WBP2NL: variants seen among roughly 807,000 people sequenced by gnomAD.
WBP2NL encodes the protein WBP2 N-terminal like, also known as postacrosomal sheath WW domain-binding protein.
Under a neutral mutation model 23.3 loss-of-function variants are expected in WBP2NL, and 27 were observed. That is an observed-to-expected ratio of 1.16 (90% CI 0.85 to 1.60). WBP2NL has a LOEUF of 1.60. Among genes scored for constraint, WBP2NL ranks in the 40% most tolerant of loss-of-function variants. The pLI is 0.00. For synonymous variants in WBP2NL, 151 were observed against 145.9 expected (o/e 1.03, Z -0.25); for missense variants, 370 against 389.5 (o/e 0.95, Z 0.42).
At chr22:42,039,379 A>G (rs374830692) in intron 8 of WBP2NL, among the ~76,000 whole-genome samples, 11 of 137,088 alleles carry the variant, frequency 8.0e-5, no homozygotes, top group African/African-American at 3.0e-4. Context: ...TTCCAGTATC[A>G]GTGAGGTCTT....
At chr22:42,026,226 C>T (rs893579472) in intron 5 of WBP2NL, among the ~76,000 whole-genome samples, 8 of 150,868 alleles carry the variant, frequency 5.3e-5, no homozygotes, top group Non-Finnish European at 7.4e-5. Context: ...GAGCCAAGAT[C>T]GCGCCACTGC....
In WBP2NL at chr22:42,028,067, T is replaced by C. The variant is rs1924667129; in HGVS notation, c.*886T>C. On this transcript the variant is annotated 3_prime_UTR_variant, in exon 6 of 6. Coordinates refer to ENST00000328823, the MANE Select transcript of WBP2NL (RefSeq NM_152613.3). ...AAATATGCCTGCGAGAAAACTTGCA[T>C]GTGTGCACAAAGATGCATGTGGGAA... The C allele has an allele frequency of 7.5e-6, 3 of 398,418 alleles. No homozygotes were observed. Among genetic ancestry groups the C allele is most frequent in the Non-Finnish European group, 1.3e-5 (3 of 226,022 alleles). 24.7% of individuals were successfully genotyped at this position (398,418 alleles called of 1,614,324 possible).
chr22:42,012,176 ATT>A (rs558966827), intron 1 of WBP2NL, among the ~76,000 whole-genome samples: 1 of 151,758 alleles, frequency 6.6e-6, no homozygotes, highest in African/African-American at 2.4e-5. Context: ...TTGAACTTAA[ATT>A]TTTTTTCTTA....
rs141338292 is a variant in WBP2NL, at chr22:42,056,577, T to C, written c.*274-1713T>C. Among the ~76,000 whole-genome samples, 6 of 152,356 alleles carry C rather than the reference T, an allele frequency of 3.9e-5. No homozygotes were observed. In the East Asian group the frequency reaches 1.2e-3, roughly 29 times the overall value. ...GGGCAGGGTGGCTAGAGATGAACTC[T>C]GTTTTTGTTTATCTGGGAATGTTTT... On this transcript the variant is annotated intron_variant and NMD_transcript_variant, in intron 8 of 8. Coordinates refer to the WBP2NL transcript ENST00000436265.
intron 8 of WBP2NL, among the ~76,000 whole-genome samples, chr22:42,052,219 C>T (rs1452497751): frequency 1.3e-5 from 2 of 152,120 alleles, no homozygotes; most frequent in Non-Finnish European, 1.5e-5. Context: ...TCTCCAGGGA[C>T]TGTCTTGAGG....
At chr22:42,032,670 T>G, downstream of WBP2NL, 1 of 446,430 alleles carries the variant, frequency 2.2e-6, no homozygotes, top group Admixed American at 2.9e-5. Context: ...CGTATGATAT[T>G]CTTCCTGGCC....
At chr22:42,010,629 C>T (rs542927848) in intron 1 of WBP2NL, among the ~76,000 whole-genome samples, 2 of 152,236 alleles carry the variant, frequency 1.3e-5, no homozygotes, top group Admixed American at 6.5e-5. Flanking sequence ...AGCTCTGCCT[C>T]CAAGGTTCAC....
At chr22:42,006,255 C>T (rs2146759057) in intron 1 of WBP2NL, among the ~76,000 whole-genome samples, 1 of 147,618 alleles carries the variant, frequency 6.8e-6, no homozygotes, top group South Asian at 2.1e-4. Context: ...GAGTCTCGCT[C>T]TGTCACCCAG....
In WBP2NL at chr22:42,001,460, A is replaced by G. The variant is rs944041616; in HGVS notation, c.62+2580A>G. ...GTTAAAGCCTTGGTACAGGCTCTTA[A>G]TCCCGTCAGATTTGTAGATCTTAAC... On this transcript the variant is annotated intron_variant, in intron 1 of 5. Transcript: ENST00000328823. 52 of 906,538 alleles carry G rather than the reference A, an allele frequency of 5.7e-5. No individual in the cohort carries two copies. In the African/African-American group the frequency reaches 7.9e-4, roughly 14 times the overall value. The allele number at this position is 906,538 out of a possible 1,614,324, so 56.2% of individuals were successfully genotyped here. A position where few individuals can be genotyped will look rare whatever the true frequency, so the allele number is the denominator to read the frequency against.
At chr22:42,056,645 A>C (rs980166901) in intron 8 of WBP2NL, among the ~76,000 whole-genome samples, 4 of 152,146 alleles carry the variant, frequency 2.6e-5, no homozygotes, top group Admixed American at 6.5e-5. Context: ...CCAAATAACA[A>C]ATTTTTTCAT....
chr22:42,037,961 C>T (rs141273413), intron 8 of WBP2NL, among the ~76,000 whole-genome samples: 24 of 151,770 alleles, frequency 1.6e-4, no homozygotes, highest in Non-Finnish European at 2.7e-4. Flanking sequence ...GACTTGGAAG[C>T]CTCTGTTTTT....
In WBP2NL at chr22:42,026,818, C is replaced by T. The variant is rs200571363; in HGVS notation, c.567C>T (p.Tyr189=). The change falls in exon 6 of 6, where the codon TAC becomes TAT. Residue 189 remains tyrosine (Y), a synonymous_variant. Transcript: ENST00000328823. ...GATATGGAGCCCCACCTCCCGGATA[C>T]GGAGCCCCACCTGCAGGATATGGAG... ...PAGYGAPPPG[Y]GAPPAGYGAQ... 5.4e-4 allele frequency: 859 copies of T among 1,603,734 alleles called. 2 individuals carry two copies. The highest frequency in any genetic ancestry group is 6.7e-4 in the Non-Finnish European group (783 of 1,175,946).
chr22:42,008,928 A>G (rs569832703), intron 1 of WBP2NL, among the ~76,000 whole-genome samples: 2 of 152,094 alleles, frequency 1.3e-5, no homozygotes, highest in East Asian at 3.9e-4. Context: ...ACAGGTGTCC[A>G]CCACCACGCC....
In WBP2NL at chr22:42,028,207, T is replaced by C. The variant is rs748513174; in HGVS notation, c.*1026T>C. 1 of 397,408 alleles carries C rather than the reference T, an allele frequency of 2.5e-6. No homozygotes were observed. The highest frequency in any genetic ancestry group is 4.4e-6 in the Non-Finnish European group (1 of 225,674). 24.6% of individuals were successfully genotyped at this position (397,408 alleles called of 1,614,324 possible). A position where few individuals can be genotyped will look rare whatever the true frequency, so the allele number is the denominator to read the frequency against. ...TGCCCATACTACGTATGCAGAAATT[T>C]CTAAGACTTGTTGATAAGGAGAAAA... On this transcript the variant is annotated 3_prime_UTR_variant, in exon 6 of 6. Transcript: ENST00000328823.
Position 42,057,761 on chromosome 22 carries a change from A to C in WBP2NL, c.*274-529A>C, listed in dbSNP as rs146215534. On this transcript the variant is annotated intron_variant and NMD_transcript_variant, in intron 8 of 8. Transcript: ENST00000436265. Reference sequence around the variant, plus strand: ...TTTTGAGACAACTGGCAAAAACTGAACATAGATTGGTTATTAGATTATTTT... The same window carrying C: ...TTTTGAGACAACTGGCAAAAACTGACCATAGATTGGTTATTAGATTATTTT... Among the ~76,000 whole-genome samples, 767 of 149,018 alleles carry C rather than the reference A, an allele frequency of 5.1e-3. 42 individuals are homozygous for C. In the East Asian group the frequency reaches 0.14, roughly 26 times the overall value.
chr22:42,039,291 G>C (rs1384234137), intron 8 of WBP2NL, among the ~76,000 whole-genome samples: 1 of 151,314 alleles, frequency 6.6e-6, no homozygotes, highest in East Asian at 2.0e-4. Context: ...GGACAGGCTG[G>C]TGTCGAACTC....
chr22:42,004,322 A>G (rs1375165386), intron 1 of WBP2NL, among the ~76,000 whole-genome samples: 2 of 152,046 alleles, frequency 1.3e-5, no homozygotes, highest in African/African-American at 2.4e-5. Context: ...GGCTGGGTGC[A>G]GTGGCTGATG....
At position 42,019,351 on chromosome 22, in the gene WBP2NL, C is replaced by T. The variant is rs1487702146; in HGVS notation, c.103C>T (p.Gln35Ter). Residue 35 changes from glutamine to a stop codon, truncating the protein, a stop_gained, in exon 2 of 6, where the codon CAG becomes TAG. Transcript: ENST00000328823. LOFTEE classifies it high-confidence loss of function. ...RSPNVELSFP[Q>*]RSEGSNVFSG... ...TCCGAATGTGGAGCTCTCCTTCCCA[C>T]AGCGATCAGAAGGCTCAAATGTCTT... is the stretch of plus-strand genomic sequence containing the variant. 3 of 1,614,174 alleles carry T rather than the reference C, an allele frequency of 1.9e-6. No homozygotes were observed. The highest frequency in any genetic ancestry group is 2.5e-6 in the Non-Finnish European group (3 of 1,180,028).
At chr22:42,024,844 C>G (rs1924335350) in intron 5 of WBP2NL, among the ~76,000 whole-genome samples, 1 of 151,290 alleles carries the variant, frequency 6.6e-6, no homozygotes. Context: ...CCTCTGTCAC[C>G]CAGGCTGGAG....
Sources: allele counts gnomAD v4.1 joint callset (sites outside exome capture counted in the v4.1 genomes callset), GRCh38; gene constraint gnomAD v4.1.1; transcripts MANE v1.5; gene names NCBI Gene and HGNC (gene_info 2026-07-23, HGNC 2026-07-21).